The following SBF2 variants were observed in gnomAD, a reference collection of about 807,000 sequenced individuals.
SBF2 encodes myotubularin-related protein 13.
Under a neutral mutation model 225.2 loss-of-function variants are expected in SBF2, and 112 were observed. That is an observed-to-expected ratio of 0.50 (90% confidence interval 0.43 to 0.58). The LOEUF (loss-of-function observed/expected upper bound fraction) is 0.58, where lower values mean the gene tolerates loss of function less well. SBF2 is among the 20% of genes least tolerant of loss of function. SBF2 has a pLI of 0.00. For missense variants in SBF2, 1,996 were observed against 2,206.2 expected (o/e 0.90, Z 1.91); for synonymous variants, 763 against 773.3 (o/e 0.99, Z 0.22).
At chr11:10,141,156 C>G (rs767190216) in intron 2 of SBF2, among the ~76,000 whole-genome samples, 35 of 152,038 alleles carry the variant, frequency 2.3e-4, no homozygotes, top group Non-Finnish European at 4.1e-4. Context: ...AAGCATAGAA[C>G]CCATGTAATA....
intron 2 of SBF2, among the ~76,000 whole-genome samples, chr11:10,136,508 G>A (rs1452049538): frequency 6.6e-6 from 1 of 152,268 alleles, no homozygotes; most frequent in East Asian, 1.9e-4. Context: ...TCCACAAAAA[G>A]CCTATCTGCT....
chr11:10,295,772 C>T (rs1015891065), upstream of SBF2, among the ~76,000 whole-genome samples: 2 of 151,946 alleles, frequency 1.3e-5, no homozygotes, highest in Admixed American at 6.6e-5. Context: ...AGTTGTCTTA[C>T]TGTAACTTCC....
At chr11:9,950,044 T>C (rs1865770333) in intron 16 of SBF2, among the ~76,000 whole-genome samples, 1 of 151,398 alleles carries the variant, frequency 6.6e-6, no homozygotes, top group Non-Finnish European at 1.5e-5. Flanking sequence ...ATAATGCTGA[T>C]AAAAATAAAC....
intron 13 of SBF2, among the ~76,000 whole-genome samples, chr11:9,973,162 T>C (rs1047446811): frequency 1.1e-4 from 17 of 152,268 alleles, no homozygotes; most frequent in Admixed American, 1.1e-3. Flanking sequence ...GAGAAGACAA[T>C]AGCAATGAGA....
chr11:9,851,114 C>G (rs755798205), intron 21 of SBF2, among the ~76,000 whole-genome samples: 2 of 121,526 alleles, frequency 1.6e-5, no homozygotes, highest in South Asian at 2.7e-4. Context: ...CCAGCCTGGG[C>G]AACAGAGCAA....
chr11:10,061,450 C>T (rs960360715), intron 2 of SBF2, among the ~76,000 whole-genome samples: 14 of 152,174 alleles, frequency 9.2e-5, no homozygotes, highest in Non-Finnish European at 2.1e-4. Context: ...ACCCCAGGCT[C>T]AGCCCAAAAG....
At chr11:10,024,167 A>G (rs1948964241) in intron 6 of SBF2, among the ~76,000 whole-genome samples, 1 of 152,190 alleles carries the variant, frequency 6.6e-6, no homozygotes, top group Non-Finnish European at 1.5e-5. Context: ...TTTTTCATTT[A>G]GCTTAGTAGT....
chr11:9,839,777 C>T lies in SBF2; in HGVS notation c.3257-81G>A, dbSNP rs540937932. ...TTCAGGGTAGTACCTGTGGGGAGCT[C>T]ACTCTCATCTGAAACTGTGATGGTA... On this transcript the variant is annotated intron_variant, in intron 25 of 39. Transcript: ENST00000256190. 2,423 of 1,372,910 alleles carry T rather than the reference C, an allele frequency of 1.8e-3. 4 individuals are homozygous for T. The highest frequency in any genetic ancestry group is 2.3e-3 in the Non-Finnish European group (2,210 of 962,394). The allele number at this position is 1,372,910 out of a possible 1,614,324, so 85.0% of individuals were successfully genotyped here.
At chr11:9,993,709 C>T (rs1262814373) in intron 10 of SBF2, among the ~76,000 whole-genome samples, 3 of 152,172 alleles carry the variant, frequency 2.0e-5, no homozygotes, top group Non-Finnish European at 4.4e-5. Context: ...ACAGTCTTAG[C>T]CCTAGTGGCC....
chr11:9,915,232 A>T (rs1862977409), intron 16 of SBF2, among the ~76,000 whole-genome samples: 1 of 151,812 alleles, frequency 6.6e-6, no homozygotes, highest in South Asian at 2.1e-4. Context: ...GCAGATCATG[A>T]GGTCAAGAGA....
At chr11:9,900,102 G>A (rs565203284) in intron 16 of SBF2, among the ~76,000 whole-genome samples, 2 of 149,986 alleles carry the variant, frequency 1.3e-5, no homozygotes, top group African/African-American at 4.9e-5. Flanking sequence ...AAGGGAATTC[G>A]GTATACAGCA....
intron 1 of SBF2, 87 bp from the exon 2 acceptor site, chr11:10,194,074 A>G (rs1957278891): frequency 1.1e-6 from 1 of 916,246 alleles, no homozygotes; most frequent in Admixed American, 1.8e-5. Context: ...CTAAATGAAT[A>G]TTTGGTAAAT....
intron 1 of SBF2, among the ~76,000 whole-genome samples, chr11:10,281,387 A>G (rs1963398289): frequency 6.6e-6 from 1 of 152,192 alleles, no homozygotes; most frequent in Non-Finnish European, 1.5e-5. Context: ...TCATCCTTTA[A>G]GAACACTTAT....
At chr11:9,797,721 G>A (rs956503795) in intron 32 of SBF2, among the ~76,000 whole-genome samples, 1 of 152,220 alleles carries the variant, frequency 6.6e-6, no homozygotes, top group African/African-American at 2.4e-5. Flanking sequence ...TGTAATCCCA[G>A]CACCTTTGGG....
rs573176198 is a variant in SBF2, at chr11:10,241,247, G to C, written c.56-47260C>G. Among the ~76,000 whole-genome samples the C allele has an allele frequency of 7.9e-5, 12 of 152,200 alleles. 1 individual carries two copies. The highest frequency in any genetic ancestry group is 1.3e-4 in the Non-Finnish European group (9 of 67,982). On this transcript the variant is annotated intron_variant, in intron 1 of 39. Transcript: ENST00000256190. ...ACACGCCTGTACTCCCAGCTACTTG[G>C]GGGGCTGAGGCAGGAGAATCACTTG... is the stretch of plus-strand genomic sequence containing the variant.
At chr11:9,984,388 A>C (rs1440956758) in intron 13 of SBF2, among the ~76,000 whole-genome samples, 2 of 152,132 alleles carry the variant, frequency 1.3e-5, no homozygotes, top group East Asian at 1.9e-4. Flanking sequence ...CAAAGAAAAA[A>C]GGGTAAGAAA....
chr11:10,237,961 T>C (rs1959143247), intron 1 of SBF2, among the ~76,000 whole-genome samples: 2 of 152,356 alleles, frequency 1.3e-5, no homozygotes, highest in South Asian at 4.1e-4. Context: ...GGGCTGTTTC[T>C]GGGTTTTGGC....
intron 12 of SBF2, among the ~76,000 whole-genome samples, chr11:9,990,585 C>A (rs1425662703): frequency 6.6e-6 from 1 of 152,114 alleles, no homozygotes; most frequent in Non-Finnish European, 1.5e-5. Flanking sequence ...CTGATACATA[C>A]ATATGATTAG....
At chr11:10,004,575 A>T (rs113245826) in intron 6 of SBF2, among the ~76,000 whole-genome samples, 80 of 71,268 alleles carry the variant, frequency 1.1e-3, no homozygotes, top group African/African-American at 3.7e-3. Context: ...TACAAAAATT[A>T]AAAAAAAAAA....
Sources: allele counts gnomAD v4.1 joint callset (sites outside exome capture counted in the v4.1 genomes callset), GRCh38; gene constraint gnomAD v4.1.1; transcripts MANE v1.5; gene names NCBI Gene and HGNC (gene_info 2026-07-23, HGNC 2026-07-21).